CUX2: variants seen among roughly 807,000 people sequenced by gnomAD.
CUX2 encodes the protein cut like homeobox 2.
A neutral mutation model predicts 144.8 loss-of-function variants in CUX2; 40 were observed. That is an observed-to-expected ratio of 0.28 (90% confidence interval 0.21 to 0.36). CUX2 has a LOEUF of 0.36. Ranked by LOEUF, CUX2 falls within the 10% of genes least tolerant of loss-of-function variation. CUX2 has a pLI of 1.00. For synonymous variants in CUX2, 827 were observed against 875.6 expected (o/e 0.94, Z 0.98); for missense variants, 1,615 against 1,994.0 (o/e 0.81, Z 3.62).
chr12:111,319,922 G>A, intron 16 of CUX2, 90 bp from the exon 17 acceptor site: 1 of 1,397,550 alleles, frequency 7.2e-7, no homozygotes, highest in Admixed American at 3.3e-5. Flanking sequence ...TGGACACCGT[G>A]CTGGCATCAA....
rs1309021671 is a variant in CUX2 at position 111,077,160 on chromosome 12, A to G, written c.63+42920A>G. 6.6e-6 allele frequency among the ~76,000 whole-genome samples: 1 copy of G among 152,184 alleles called. No individual in the cohort carries two copies. The highest frequency in any genetic ancestry group is 1.5e-5 in the Non-Finnish European group (1 of 68,032). ...TTTATTTTTTCCTTTGCTGTAGTTC[A>G]AGGGAAATAATTTATTAACTTGGGA... is the stretch of plus-strand genomic sequence containing the variant. On this transcript the variant is annotated intron_variant, in intron 1 of 21. Transcript: ENST00000261726. The surrounding 1 kb of genome is among the most constrained non-coding windows in gnomAD (Gnocchi z 4.1).
At chr12:111,291,083 T>A (rs1885654875) in intron 4 of CUX2, among the ~76,000 whole-genome samples, 1 of 152,140 alleles carries the variant, frequency 6.6e-6, no homozygotes, top group African/African-American at 2.4e-5. Context: ...CAGGCTGGTC[T>A]TGAACTCCTG....
intron 1 of CUX2, among the ~76,000 whole-genome samples, chr12:111,197,301 T>C (rs188825141): frequency 1.9e-3 from 294 of 152,276 alleles, no homozygotes; most frequent in African/African-American, 6.8e-3. Context: ...ATTGTTATCT[T>C]TATTGTTGGT....
At chr12:111,055,951 C>T (rs1403035715) in intron 1 of CUX2, among the ~76,000 whole-genome samples, 1 of 152,252 alleles carries the variant, frequency 6.6e-6, no homozygotes, top group African/African-American at 2.4e-5. Flanking sequence ...GAGCAGGCCA[C>T]TTAGCTGCGT....
chr12:111,185,969 C>G (rs1289578371), intron 1 of CUX2, among the ~76,000 whole-genome samples: 1 of 151,676 alleles, frequency 6.6e-6, no homozygotes, highest in Non-Finnish European at 1.5e-5. Flanking sequence ...CTCTCTCTCC[C>G]CCTCTCTTTC....
chr12:111,041,089 C>T (rs1869721852), intron 1 of CUX2, among the ~76,000 whole-genome samples: 1 of 152,218 alleles, frequency 6.6e-6, no homozygotes, highest in South Asian at 2.1e-4. Context: ...GAGGCCCCTG[C>T]CTGGCTTCAA....
chr12:111,329,394 T>G (rs764777663), intron 18 of CUX2, among the ~76,000 whole-genome samples: 1 of 151,996 alleles, frequency 6.6e-6, no homozygotes, highest in Non-Finnish European at 1.5e-5. Flanking sequence ...ACAGTCTTCC[T>G]GATAGAGATA....
At chr12:111,185,062 T>C (rs1879438097) in intron 1 of CUX2, among the ~76,000 whole-genome samples, 2 of 151,796 alleles carry the variant, frequency 1.3e-5, no homozygotes, top group Admixed American at 1.3e-4. Flanking sequence ...AGACTCTGTC[T>C]CAAAAAAAAA....
At chr12:111,264,690 AGCTGAGATCAT>A (rs1440772518) in intron 4 of CUX2, among the ~76,000 whole-genome samples, 1 of 152,158 alleles carries the variant, frequency 6.6e-6, no homozygotes, top group Non-Finnish European at 1.5e-5. Context: ...GATTGCAGTG[AGCTGAGATCAT>A]GCCTGCACTC....
intron 1 of CUX2, among the ~76,000 whole-genome samples, chr12:111,204,719 C>T (rs961251009): frequency 6.6e-6 from 1 of 152,120 alleles, no homozygotes; most frequent in African/African-American, 2.4e-5. Flanking sequence ...CTAGAGAATC[C>T]ACTGCACTCT....
At chr12:111,253,869 G>A (rs2136278503) in intron 3 of CUX2, among the ~76,000 whole-genome samples, 1 of 148,808 alleles carries the variant, frequency 6.7e-6, no homozygotes, top group East Asian at 2.0e-4. Flanking sequence ...CTCAAAAGTA[G>A]TTGTGGTTTT....
intron 4 of CUX2, among the ~76,000 whole-genome samples, chr12:111,280,197 G>A (rs1050870174): frequency 2.0e-5 from 3 of 152,150 alleles, no homozygotes; most frequent in Non-Finnish European, 4.4e-5. Flanking sequence ...TCTGAGGCAG[G>A]AGAATCGCTT....
chr12:111,134,145 G>A (rs1363901920), intron 1 of CUX2, among the ~76,000 whole-genome samples: 9 of 152,214 alleles, frequency 5.9e-5, no homozygotes, highest in Admixed American at 5.9e-4. Context: ...TGTGGCACTT[G>A]AGCTGGTAAC....
intron 1 of CUX2, among the ~76,000 whole-genome samples, chr12:111,192,637 C>T (rs979107172): frequency 1.3e-5 from 2 of 152,324 alleles, no homozygotes; most frequent in Non-Finnish European, 1.5e-5. Flanking sequence ...CATCGCAGCC[C>T]ACCCGGGGTC....
rs917491032 is a variant in CUX2, at chr12:111,213,479, C to T, written c.64-721C>T. The stretch of plus-strand genomic sequence containing the variant: ...CCTCGCTGGTACATCCTATAAAAAC[C>T]TGGTCTGATACCTTCCTTGCATATA... On this transcript the variant is annotated intron_variant, in intron 1 of 21. Transcript: ENST00000261726. Among the ~76,000 whole-genome samples the T allele has an allele frequency of 2.0e-5, 3 of 152,296 alleles. No homozygotes were observed. The East Asian group carries it at 5.8e-4, about 29-fold the overall frequency.
rs200759856 is a variant in CUX2 at position 111,214,161 on chromosome 12, T to TTC, written c.64-27_64-26dup. On this transcript the variant is annotated intron_variant, in intron 1 of 21. Coordinates refer to ENST00000261726, the MANE Select transcript of CUX2 (RefSeq NM_015267.4). ...AAAAAAGAAGAAAAATCTTTTTCTT[T>TTC]TCTCTCTCTCTCTTTTTTTTTTTTT... 1,550 of 1,235,134 alleles carry TTC rather than the reference T, an allele frequency of 1.3e-3. 15 individuals carry two copies. In the African/African-American group the frequency reaches 0.022, roughly 18 times the overall value. 76.5% of individuals were successfully genotyped at this position (1,235,134 alleles called of 1,614,324 possible). A position where few individuals can be genotyped will look rare whatever the true frequency, so the allele number is the denominator to read the frequency against.
rs557269397 is a variant in CUX2 at position 111,084,613 on chromosome 12, C to CT, written c.63+50376dup. Among the ~76,000 whole-genome samples the CT allele has an allele frequency of 3.9e-5, 6 of 152,054 alleles. No individual in the cohort carries two copies. The South Asian group carries it at 1.2e-3, about 32-fold the overall frequency. On this transcript the variant is annotated intron_variant, in intron 1 of 21. Coordinates refer to ENST00000261726, the MANE Select transcript of CUX2 (RefSeq NM_015267.4). ...ACATTAAAGTATTTTAACGCTTACACTTTATATTTCTGCGAACTTGATTAT... is the reference window on the plus strand; with the variant it reads ...ACATTAAAGTATTTTAACGCTTACACTTTTATATTTCTGCGAACTTGATTAT...
chr12:111,310,706 C>T lies in CUX2; in HGVS notation c.1900+24C>T. 1 of 1,559,148 alleles carries T rather than the reference C, an allele frequency of 6.4e-7. No individual in the cohort carries two copies. The highest frequency in any genetic ancestry group is 8.7e-7 in the Non-Finnish European group (1 of 1,147,692). On this transcript the variant is annotated intron_variant, in intron 15 of 21. Coordinates refer to ENST00000261726, the MANE Select transcript of CUX2 (RefSeq NM_015267.4). This position sits in a 1 kb window ranked among gnomAD's most constrained non-coding sequence, Gnocchi z 7.9. ...AGGTGAGTGCCCAAGAGGGCCCGTC[C>T]CCGCTGGCCACCACGCCAGGTCCAG...
At chr12:111,097,783 T>G (rs1004111886) in intron 1 of CUX2, among the ~76,000 whole-genome samples, 1 of 152,150 alleles carries the variant, frequency 6.6e-6, no homozygotes, top group African/African-American at 2.4e-5. Context: ...GGTGGCTGTT[T>G]TGTACCTGGG....
Sources: gnomAD v4.1 joint callset for allele counts (sites outside exome capture counted in the v4.1 genomes callset) on GRCh38, gnomAD v4.1.1 for gene constraint, Gnocchi (gnomAD v3.1) non-coding constraint, MANE v1.5 for transcripts, NCBI Gene and HGNC (gene_info 2026-07-23, HGNC 2026-07-21) for gene names.